The following SLCO1B1 variants were observed in gnomAD, a reference collection of about 807,000 sequenced individuals.
SLCO1B1 encodes the protein solute carrier organic anion transporter family member 1B1.
Under a neutral mutation model 70.1 loss-of-function variants are expected in SLCO1B1, and 81 were observed. The ratio of observed to expected loss-of-function variants is 1.16; its 90% CI spans 0.97 to 1.39. The LOEUF is 1.39. SLCO1B1 is among the 40% of genes most tolerant of loss of function. The pLI is 0.00. For synonymous variants in SLCO1B1, 283 were observed against 271.5 expected, an observed-to-expected ratio of 1.04 and a Z score of -0.42; for missense variants, 895 against 799.6, an observed-to-expected ratio of 1.12 and a Z score of -1.44.
At chr12:21,143,386 TAGAA>T (rs1212439458) in intron 2 of SLCO1B1, among the ~76,000 whole-genome samples, 41 of 152,144 alleles carry the variant, frequency 2.7e-4, no homozygotes, top group Admixed American at 2.6e-4. Flanking sequence ...TCTCTGTAGA[TAGAA>T]AGATAATGAA....
At chr12:21,222,732 C>T (rs1018838723) in intron 13 of SLCO1B1, among the ~76,000 whole-genome samples, 3 of 151,764 alleles carry the variant, frequency 2.0e-5, no homozygotes, top group African/African-American at 7.3e-5. Flanking sequence ...AAGAATATTT[C>T]CTCCCAGTAG....
At chr12:21,234,811 C>G (rs1195115534) in intron 14 of SLCO1B1, among the ~76,000 whole-genome samples, 1 of 152,066 alleles carries the variant, frequency 6.6e-6, no homozygotes, top group Non-Finnish European at 1.5e-5. Context: ...AAAAGTAATT[C>G]AGGACCAAGT....
intron 14 of SLCO1B1, among the ~76,000 whole-genome samples, chr12:21,237,237 G>A (rs184769112): frequency 6.6e-6 from 1 of 151,960 alleles, no homozygotes; most frequent in Non-Finnish European, 1.5e-5. Context: ...ACCTATATGA[G>A]TCTCTCTAAA....
At chr12:21,152,170 G>A (rs1383055540) in intron 2 of SLCO1B1, among the ~76,000 whole-genome samples, 1 of 151,872 alleles carries the variant, frequency 6.6e-6, no homozygotes, top group Admixed American at 6.6e-5. Context: ...GCAGTATACT[G>A]ATGTGTTTAC....
chr12:21,193,455 T>C (rs1339382214), intron 7 of SLCO1B1, among the ~76,000 whole-genome samples: 1 of 152,224 alleles, frequency 6.6e-6, no homozygotes, highest in Non-Finnish European at 1.5e-5. Flanking sequence ...CTCTTTTCAG[T>C]TCTGTCCATG....
At chr12:21,227,908 A>G (rs768022979) in intron 14 of SLCO1B1, among the ~76,000 whole-genome samples, 6 of 152,146 alleles carry the variant, frequency 3.9e-5, no homozygotes, top group Non-Finnish European at 8.8e-5. Flanking sequence ...TTATTAATGC[A>G]TTCTTCTTGT....
chr12:21,138,339 G>A (rs1278307830), intron 1 of SLCO1B1, among the ~76,000 whole-genome samples: 1 of 152,134 alleles, frequency 6.6e-6, no homozygotes, highest in African/African-American at 2.4e-5. Flanking sequence ...GAATTGCAAT[G>A]CTAAATCCAA....
In SLCO1B1 at chr12:21,239,030, A is replaced by C; in HGVS notation, c.1917A>C (p.Leu639Phe). 1 of 1,589,524 alleles carries C rather than the reference A, an allele frequency of 6.3e-7. No individual in the cohort carries two copies. Among genetic ancestry groups the C allele is most frequent in the Non-Finnish European group, 8.6e-7 (1 of 1,160,034 alleles). Residue 639 changes from leucine to phenylalanine, a missense_variant, in exon 15 of 15, where the codon TTA becomes TTC. By Grantham distance (22) the Leu-to-Phe change is conservative. Coordinates refer to ENST00000256958, the MANE Select transcript of SLCO1B1 (RefSeq NM_006446.5). The part of the protein sequence containing the change: ...SSMLRVSSLV[L>F]YIILIYAMKK... ...TGTTAAGAGTCTCATCACTTGTTTT[A>C]TATATTATATTAATTTATGCCATGA... is the stretch of plus-strand genomic sequence containing the variant.
chr12:21,175,943 C>T (rs1281960984), intron 4 of SLCO1B1, among the ~76,000 whole-genome samples: 2 of 152,076 alleles, frequency 1.3e-5, no homozygotes, highest in African/African-American at 4.8e-5. Context: ...GACACTTTTG[C>T]ACCTGGTATT....
intron 4 of SLCO1B1, 38 bp downstream of exon 4, chr12:21,174,747 T>G (rs1565673163): frequency 6.3e-7 from 1 of 1,585,950 alleles, no homozygotes; most frequent in Non-Finnish European, 8.6e-7. Context: ...TGTGCCACTA[T>G]CAGTACCTTG....
chr12:21,135,527 G>A (rs191333074), intron 1 of SLCO1B1, among the ~76,000 whole-genome samples: 29 of 152,248 alleles, frequency 1.9e-4, no homozygotes, highest in African/African-American at 6.7e-4. Context: ...CCTGTATTGG[G>A]TGCATATATA....
chr12:21,145,028 C>G (rs995491232), intron 2 of SLCO1B1, among the ~76,000 whole-genome samples: 1 of 152,096 alleles, frequency 6.6e-6, no homozygotes, highest in African/African-American at 2.4e-5. Flanking sequence ...AACCAGCTAA[C>G]AACACTATGA....
chr12:21,170,043 T>G (rs1029009244), intron 2 of SLCO1B1, among the ~76,000 whole-genome samples: 1 of 152,156 alleles, frequency 6.6e-6, no homozygotes, highest in African/African-American at 2.4e-5. Context: ...CAGTGGCCTT[T>G]CTGGGGCTGC....
At chr12:21,205,841 T>C (rs1941209349) in intron 10 of SLCO1B1, 27 bp from the exon 11 acceptor site, 1 of 1,512,444 alleles carries the variant, frequency 6.6e-7, no homozygotes, top group Non-Finnish European at 9.2e-7. Flanking sequence ...TCTCTCTTTT[T>C]GATATATGTC....
chr12:21,135,432 G>A lies in SLCO1B1; in HGVS notation c.-62+4196G>A, dbSNP rs546080112. 1.8e-4 allele frequency among the ~76,000 whole-genome samples: 27 copies of A among 152,164 alleles called. No individual in the cohort carries two copies. In the South Asian group the frequency reaches 5.6e-3, roughly 32 times the overall value. ...TTGATCTGTCTAATGTTGACAGTGG[G>A]GTGTTAAAGTCTCCCATTATTATTG... On this transcript the variant is annotated intron_variant, in intron 1 of 14. Transcript: ENST00000256958.
chr12:21,152,550 T>TTTTTTTTTTC, intron 2 of SLCO1B1, among the ~76,000 whole-genome samples: 1 of 146,160 alleles, frequency 6.8e-6, no homozygotes, highest in Non-Finnish European at 1.5e-5. Context: ...TTTTTTTTTT[T>TTTTTTTTTTC]TGCCTCTGGA....
intron 4 of SLCO1B1, among the ~76,000 whole-genome samples, chr12:21,175,380 T>C (rs1940807175): frequency 1.3e-5 from 2 of 152,170 alleles, no homozygotes; most frequent in South Asian, 2.1e-4. Flanking sequence ...AAAATATCTC[T>C]ACTGACTTTA....
At chr12:21,143,706 T>A (rs2121044322) in intron 2 of SLCO1B1, among the ~76,000 whole-genome samples, 1 of 152,182 alleles carries the variant, frequency 6.6e-6, no homozygotes, top group East Asian at 1.9e-4. Context: ...TCAACTGTAT[T>A]CCATATTGCT....
At chr12:21,142,020 T>G (rs967995244) in intron 2 of SLCO1B1, among the ~76,000 whole-genome samples, 1 of 151,476 alleles carries the variant, frequency 6.6e-6, no homozygotes, top group African/African-American at 2.4e-5. Context: ...ACTTAGAATA[T>G]TAATGTCTTG....
Sources: allele counts gnomAD v4.1 joint callset (sites outside exome capture counted in the v4.1 genomes callset), GRCh38; gene constraint gnomAD v4.1.1; transcripts MANE v1.5; gene names NCBI Gene and HGNC (gene_info 2026-07-23, HGNC 2026-07-21).